Variants in ERBB4 observed in about 807,000 individuals in gnomAD.
ERBB4 encodes erb-b2 receptor tyrosine kinase 4, also known as receptor tyrosine-protein kinase erbB-4.
ERBB4 carries 42 observed loss-of-function variants against 158.0 expected under a neutral mutation model. That is an observed-to-expected ratio of 0.27 (90% CI 0.21 to 0.34). The LOEUF (loss-of-function observed/expected upper bound fraction) is 0.34. ERBB4 is among the 10% of genes least tolerant of loss of function. ERBB4 has a pLI of 1.00. For synonymous variants in ERBB4, 583 were observed against 558.7 expected (o/e 1.04, Z -0.61); for missense variants, 1,333 against 1,624.1 (o/e 0.82, Z 3.08).
At chr2:212,173,417 C>T (rs934842378) in intron 1 of ERBB4, among the ~76,000 whole-genome samples, 4 of 152,036 alleles carry the variant, frequency 2.6e-5, no homozygotes, top group Non-Finnish European at 5.9e-5. Context: ...GGCCTTGAAG[C>T]ATTATCCAGG....
intron 2 of ERBB4, among the ~76,000 whole-genome samples, chr2:212,103,963 A>T (rs2079154786): frequency 6.6e-6 from 1 of 152,100 alleles, no homozygotes; most frequent in Admixed American, 6.6e-5. Flanking sequence ...AAGGTAAGTC[A>T]TTGTTCATTT....
chr2:211,686,198 C>G (rs187339624), intron 12 of ERBB4, among the ~76,000 whole-genome samples: 2 of 152,058 alleles, frequency 1.3e-5, no homozygotes, highest in African/African-American at 2.4e-5. Flanking sequence ...AGTGCAAAAG[C>G]CTTCAGCTTT....
At position 211,678,785 on chromosome 2, in the gene ERBB4, T is replaced by C. The variant is rs10179476; in HGVS notation, c.1622+267A>G. 0.59 allele frequency among the ~76,000 whole-genome samples: 88,731 copies of C among 151,258 alleles called. 27,304 individuals are homozygous for C. The highest frequency in any genetic ancestry group is 0.75 in the African/African-American group (30,983 of 41,174). ...TTCGAGACCATCCTGGCTAACACGG[T>C]GAAACCCCGTCTCTACTAAAAAATA... On this transcript the variant is annotated intron_variant, in intron 13 of 27. Transcript: ENST00000342788.
intron 1 of ERBB4, among the ~76,000 whole-genome samples, chr2:212,309,584 C>T (rs1287576684): frequency 6.6e-6 from 1 of 150,654 alleles, no homozygotes; most frequent in Non-Finnish European, 1.5e-5. Context: ...TTATCATTCC[C>T]TAGCATAGAA....
At chr2:211,424,346 T>C (rs1449792482) in intron 22 of ERBB4, 45 bp from the exon 23 acceptor site, 3 of 1,458,962 alleles carry the variant, frequency 2.1e-6, no homozygotes, top group Non-Finnish European at 2.9e-6. Context: ...TAACAACATA[T>C]GTTGAACAAA....
At chr2:212,327,262 T>C (rs1335158690) in intron 1 of ERBB4, among the ~76,000 whole-genome samples, 1 of 138,688 alleles carries the variant, frequency 7.2e-6, no homozygotes, top group African/African-American at 2.5e-5. Flanking sequence ...ATCTTCATGA[T>C]AGCCTTATGT....
intron 1 of ERBB4, among the ~76,000 whole-genome samples, chr2:212,208,793 C>T (rs73987284): frequency 0.022 from 3,363 of 152,174 alleles, 114 homozygotes; most frequent in African/African-American, 0.077. Flanking sequence ...ACCAGATCAT[C>T]CAAGGCAAAG....
intron 1 of ERBB4, among the ~76,000 whole-genome samples, chr2:212,482,931 T>G (rs1689779603): frequency 6.6e-6 from 1 of 152,192 alleles, no homozygotes; most frequent in African/African-American, 2.4e-5. Flanking sequence ...CCCTTGTTAT[T>G]TTTTGACAAC....
At position 212,405,249 on chromosome 2, in the gene ERBB4, A is replaced by T. The variant is rs540140697; in HGVS notation, c.82+133200T>A. Among the ~76,000 whole-genome samples the T allele has an allele frequency of 2.0e-5, 3 of 152,228 alleles. No individual in the cohort carries two copies. The East Asian group carries it at 5.8e-4, about 29-fold the overall frequency. On this transcript the variant is annotated intron_variant, in intron 1 of 27. Coordinates refer to ENST00000342788, the MANE Select transcript of ERBB4 (RefSeq NM_005235.3). ...AGCATATGAAAAAAAATTTGATATC[A>T]CTTATTATCAGAGAAATGCAAATCA...
intron 1 of ERBB4, among the ~76,000 whole-genome samples, chr2:212,274,559 T>TA (rs2106128179): frequency 1.3e-5 from 2 of 151,978 alleles, no homozygotes; most frequent in East Asian, 3.9e-4. Flanking sequence ...ATGCAGTTAA[T>TA]TTTATGCAAT....
intron 16 of ERBB4, among the ~76,000 whole-genome samples, chr2:211,653,477 GC>G (rs1378086488): frequency 7.4e-4 from 43 of 58,186 alleles, no homozygotes; most frequent in East Asian, 1.1e-3. Context: ...CCCCGCACCC[GC>G]CCCCCCCCAC....
At chr2:211,554,703 C>G (rs547652123) in intron 20 of ERBB4, among the ~76,000 whole-genome samples, 1 of 152,120 alleles carries the variant, frequency 6.6e-6, no homozygotes, top group Admixed American at 6.5e-5. Context: ...TAACTGGAAC[C>G]CAAGTGCAAA....
intron 1 of ERBB4, among the ~76,000 whole-genome samples, chr2:212,366,996 G>A (rs1023989139): frequency 1.3e-5 from 2 of 151,892 alleles, no homozygotes; most frequent in African/African-American, 2.4e-5. Context: ...TTTTCAGGAA[G>A]GTTAAACAAG....
At chr2:211,904,022 A>C (rs997646042) in intron 3 of ERBB4, among the ~76,000 whole-genome samples, 10 of 152,170 alleles carry the variant, frequency 6.6e-5, no homozygotes, top group Non-Finnish European at 1.5e-4. Context: ...TATAAGAAGA[A>C]TATTCTGAAA....
At chr2:211,442,917 T>C (rs1001429909) in intron 20 of ERBB4, among the ~76,000 whole-genome samples, 5 of 152,092 alleles carry the variant, frequency 3.3e-5, no homozygotes, top group African/African-American at 1.2e-4. Context: ...CAAACCCTTA[T>C]GGACTGTTGA....
chr2:211,770,798 T>C (rs565788021), intron 4 of ERBB4, among the ~76,000 whole-genome samples: 1 of 152,192 alleles, frequency 6.6e-6, no homozygotes, highest in South Asian at 2.1e-4. Flanking sequence ...AACATGCAAA[T>C]TAGAAATAGG....
intron 4 of ERBB4, 101 bp downstream of exon 4, chr2:211,787,924 A>C: frequency 8.3e-7 from 1 of 1,204,194 alleles, no homozygotes; most frequent in Non-Finnish European, 1.2e-6. Flanking sequence ...AATGAATGCA[A>C]TCAAAGTTCA....
chr2:212,013,059 T>C (rs1230265001), intron 2 of ERBB4, among the ~76,000 whole-genome samples: 2 of 123,296 alleles, frequency 1.6e-5, no homozygotes, highest in Non-Finnish European at 3.6e-5. Context: ...AATACTTTCC[T>C]TTTTTTTTTT....
chr2:211,511,916 T>C (rs756900973), intron 20 of ERBB4, among the ~76,000 whole-genome samples: 2 of 152,076 alleles, frequency 1.3e-5, no homozygotes, highest in Non-Finnish European at 2.9e-5. Context: ...AAGACTTACA[T>C]GGAACAATAA....
Sources: gnomAD v4.1 joint callset for allele counts (sites outside exome capture counted in the v4.1 genomes callset) on GRCh38, gnomAD v4.1.1 for gene constraint, MANE v1.5 for transcripts, NCBI Gene and HGNC (gene_info 2026-07-23, HGNC 2026-07-21) for gene names.